The following ADAM9 variants were observed in gnomAD, a reference collection of about 807,000 sequenced individuals.
ADAM9 encodes the protein disintegrin and metalloproteinase domain-containing protein 9.
A neutral mutation model predicts 108.1 loss-of-function variants in ADAM9; 54 were observed. The observed-to-expected ratio is 0.50, with a 90% CI of 0.40 to 0.63. The LOEUF (loss-of-function observed/expected upper bound fraction) is 0.63, where lower values mean the gene tolerates loss of function less well. Among genes scored for constraint, ADAM9 ranks in the 20% least tolerant of loss-of-function variants. The pLI, the probability that ADAM9 is intolerant of heterozygous loss-of-function variation, is 0.00. For missense variants in ADAM9, 830 were observed against 997.7 expected (o/e 0.83, Z 2.26); for synonymous variants, 316 against 336.0 (o/e 0.94, Z 0.65).
chr8:39,038,935 C>T (rs556827179), intron 11 of ADAM9, among the ~76,000 whole-genome samples: 10 of 151,542 alleles, frequency 6.6e-5, no homozygotes, highest in African/African-American at 1.2e-4. Flanking sequence ...AATCCTTCCA[C>T]GTCCTACATC....
At chr8:39,011,197 A>G (rs959537825) in intron 2 of ADAM9, among the ~76,000 whole-genome samples, 7 of 152,152 alleles carry the variant, frequency 4.6e-5, no homozygotes, top group Admixed American at 1.3e-4. Flanking sequence ...GGAAAAAAGC[A>G]TGTTTTAGAA....
rs915163124 is a variant in ADAM9 at position 39,104,511 on chromosome 8, A to G, written c.*811A>G. 1.8e-5 allele frequency: 7 copies of G among 381,782 alleles called. No homozygotes were observed. The highest frequency in any genetic ancestry group is 3.0e-5 in the Non-Finnish European group (6 of 198,006). 23.6% of individuals were successfully genotyped at this position (381,782 alleles called of 1,614,324 possible). A position where few individuals can be genotyped will look rare whatever the true frequency, so the allele number is the denominator to read the frequency against. On this transcript the variant is annotated 3_prime_UTR_variant, in exon 22 of 22. Coordinates refer to ENST00000487273, the MANE Select transcript of ADAM9 (RefSeq NM_003816.3). ...AAGTATTTAATAGATCTAATCAAATATGTTGATTCATGGCTATAATAAAGC... is the reference window on the plus strand; with the variant it reads ...AAGTATTTAATAGATCTAATCAAATGTGTTGATTCATGGCTATAATAAAGC...
chr8:39,092,128 G>A (rs1486725962), intron 20 of ADAM9, among the ~76,000 whole-genome samples: 1 of 152,198 alleles, frequency 6.6e-6, no homozygotes, highest in African/African-American at 2.4e-5. Flanking sequence ...TTATTGATCT[G>A]CATGTATCCC....
At chr8:39,002,312 C>CTTTTTTT (rs35517175) in intron 1 of ADAM9, among the ~76,000 whole-genome samples, 8 of 71,486 alleles carry the variant, frequency 1.1e-4, no homozygotes, top group South Asian at 5.3e-4. Flanking sequence ...AGGTAGAATT[C>CTTTTTTT]TTTTTTTTTT....
intron 13 of ADAM9, 122 bp from the exon 14 acceptor site, chr8:39,055,455 G>T (rs1020034580): frequency 1.1e-5 from 11 of 971,362 alleles, no homozygotes; most frequent in Admixed American, 2.0e-5. Context: ...TTTTCTGTTG[G>T]GTTATTTAAT....
At chr8:39,013,827 G>A (rs1588332965) in intron 3 of ADAM9, 138 bp from the exon 4 acceptor site, 1 of 730,398 alleles carries the variant, frequency 1.4e-6, no homozygotes, top group Non-Finnish European at 2.4e-6. Flanking sequence ...TTTTACAATA[G>A]CACATTTAAA....
intron 3 of ADAM9, 135 bp downstream of exon 3, chr8:39,011,851 C>CCACTGTGCAGCACCA: frequency 1.2e-6 from 1 of 819,030 alleles, no homozygotes; most frequent in Non-Finnish European, 2.0e-6. Flanking sequence ...ATTGGTGCTG[C>CCACTGTGCAGCACCA]ACAGTGGCAG....
At chr8:39,045,375 T>TACATATAGGTGTGTGTACAC (rs1837691519) in intron 12 of ADAM9, among the ~76,000 whole-genome samples, 1 of 17,324 alleles carries the variant, frequency 5.8e-5, no homozygotes, top group South Asian at 1.2e-3. Context: ...TGTGTGTACA[T>TACATATAGGTGTGTGTACAC]ACACCTATAG....
At chr8:39,033,050 T>C (rs1329976848) in intron 11 of ADAM9, among the ~76,000 whole-genome samples, 2 of 152,250 alleles carry the variant, frequency 1.3e-5, no homozygotes, top group Non-Finnish European at 2.9e-5. Context: ...TCTGCCTGTA[T>C]GTGAGCATGA....
intron 21 of ADAM9, among the ~76,000 whole-genome samples, chr8:39,102,519 C>G (rs1215491641): frequency 1.3e-5 from 2 of 152,130 alleles, no homozygotes; most frequent in South Asian, 2.1e-4. Context: ...TGGCAAACAT[C>G]TCAGGGTCTG....
At chr8:39,089,924 AT>A in intron 18 of ADAM9, 122 bp from the exon 19 acceptor site, 1 of 1,081,008 alleles carries the variant, frequency 9.3e-7, no homozygotes, top group Non-Finnish European at 1.4e-6. Flanking sequence ...TTCTCAATAT[AT>A]TCAATTAATA....
chr8:39,025,276 T>C (rs1290072045), intron 9 of ADAM9, among the ~76,000 whole-genome samples: 1 of 152,036 alleles, frequency 6.6e-6, no homozygotes, highest in Non-Finnish European at 1.5e-5. Flanking sequence ...TTTGTTTTTT[T>C]AGTAGAGATG....
At chr8:39,006,047 T>A (rs1836150614) in intron 1 of ADAM9, among the ~76,000 whole-genome samples, 1 of 152,182 alleles carries the variant, frequency 6.6e-6, no homozygotes, top group Non-Finnish European at 1.5e-5. Flanking sequence ...GGACTGTAGA[T>A]AGTGACAGTC....
rs147761779 is a variant in ADAM9 at position 39,075,103 on chromosome 8, C to G, written c.1698-2125C>G. The stretch of plus-strand genomic sequence containing the variant: ...TGTATTTTTAGTAGAGATGGGGTTT[C>G]CCTATGTTGGCCAGGCTGGTCTCAA... On this transcript the variant is annotated intron_variant, in intron 15 of 21. Coordinates refer to ENST00000487273, the MANE Select transcript of ADAM9 (RefSeq NM_003816.3). Among the ~76,000 whole-genome samples the G allele has an allele frequency of 8.9e-3, 1,357 of 151,950 alleles. 10 individuals are homozygous for G. The highest frequency in any genetic ancestry group is 0.015 in the Non-Finnish European group (1,022 of 67,966).
intron 20 of ADAM9, among the ~76,000 whole-genome samples, chr8:39,094,653 A>G (rs1333027432): frequency 6.6e-6 from 1 of 152,004 alleles, no homozygotes; most frequent in African/African-American, 2.4e-5. Context: ...CAGTCTGGAT[A>G]GGTTGTATGT....
intron 14 of ADAM9, among the ~76,000 whole-genome samples, chr8:39,068,707 AAAAAAAAGACCTG>A (rs1838576535): frequency 1.4e-5 from 2 of 138,470 alleles, no homozygotes; most frequent in Admixed American, 7.3e-5. Flanking sequence ...AAAAAAAAAA[AAAAAAAAGACCTG>A]ACTGTCAGCA....
intron 11 of ADAM9, among the ~76,000 whole-genome samples, chr8:39,030,382 C>A (rs968775757): frequency 3.9e-5 from 6 of 152,110 alleles, no homozygotes; most frequent in Admixed American, 6.5e-5. Context: ...GCTTCTTTCA[C>A]TTAGCAATAT....
Position 39,055,754 on chromosome 8 carries a change from C to T in ADAM9, c.1573C>T (p.Gln525Ter). The change falls in exon 14 of 22, where the codon CAA becomes TAA. Residue 525 changes from glutamine to a stop codon, truncating the protein, a stop_gained. Coordinates refer to ENST00000487273, the MANE Select transcript of ADAM9 (RefSeq NM_003816.3). LOFTEE classifies it high-confidence loss of function. Reference protein sequence around the residue: ...GMCQYYDAQCQVIFGSKAKAA... With the variant: ...GMCQYYDAQC The stretch of plus-strand genomic sequence containing the variant: ...GTGCCAGTATTATGATGCTCAATGT[C>T]AAGTCATCTTTGGCTCAAGTAAGAT... 6.2e-7 allele frequency: 1 copy of T among 1,613,382 alleles called. No homozygotes were observed. The highest frequency in any genetic ancestry group is 8.5e-7 in the Non-Finnish European group (1 of 1,179,590).
intron 18 of ADAM9, among the ~76,000 whole-genome samples, chr8:39,085,625 C>T (rs185742189): frequency 1.6e-4 from 25 of 152,224 alleles, no homozygotes; most frequent in Non-Finnish European, 2.2e-4. Context: ...GTTTTCCTCC[C>T]GTTTTACTTC....
Sources: gnomAD v4.1 joint callset for allele counts (sites outside exome capture counted in the v4.1 genomes callset) on GRCh38, gnomAD v4.1.1 for gene constraint, MANE v1.5 for transcripts, NCBI Gene and HGNC (gene_info 2026-07-23, HGNC 2026-07-21) for gene names.